The following AR variants were observed in gnomAD, a reference collection of about 807,000 sequenced individuals.
AR encodes androgen receptor, also known as dihydrotestosterone receptor.
Under a neutral mutation model 53.9 loss-of-function variants are expected in AR, and 8 were observed. The ratio of observed to expected loss-of-function variants is 0.15; its 90% CI spans 0.09 to 0.27. AR has a LOEUF of 0.27. AR is among the 10% of genes least tolerant of loss of function. The pLI is 1.00. For missense variants in AR, 639 were observed against 742.5 expected, an observed-to-expected ratio of 0.86 and a Z score of 1.62; for synonymous variants, 359 against 316.4, an observed-to-expected ratio of 1.13 and a Z score of -1.43.
At chrX:67,709,502 G>T (rs1323883644) in intron 3 of AR, among the ~76,000 whole-genome samples, 5 of 112,307 alleles carry the variant, frequency 4.5e-5, no homozygotes, top group African/African-American at 1.6e-4. Flanking sequence ...TGCAGTATTA[G>T]GGTGGGAGTG....
chrX:67,622,908 A>G (rs1230566135), intron 1 of AR, among the ~76,000 whole-genome samples: 1 of 111,449 alleles, frequency 9.0e-6, no homozygotes, highest in Non-Finnish European at 1.9e-5. Flanking sequence ...CAGGCCATGA[A>G]AGCTCCTTGA....
chrX:67,655,912 A>T (rs1037778006), intron 2 of AR, among the ~76,000 whole-genome samples: 72 of 112,272 alleles, frequency 6.4e-4, no homozygotes, highest in African/African-American at 2.3e-3. Flanking sequence ...CAATTATGTC[A>T]CTGTAGAAAT....
At chrX:67,548,513 T>C (rs770381962) in intron 1 of AR, among the ~76,000 whole-genome samples, 3 of 111,264 alleles carry the variant, frequency 2.7e-5, no homozygotes, top group South Asian at 7.6e-4. Context: ...TACTGTAAAC[T>C]TTTCTTGGGG....
intron 1 of AR, among the ~76,000 whole-genome samples, chrX:67,558,606 C>A (rs1921159445): frequency 9.0e-6 from 1 of 111,067 alleles, no homozygotes; most frequent in Non-Finnish European, 1.9e-5. Context: ...AAAGTAGAGG[C>A]AGAGTGATGG....
intron 1 of AR, among the ~76,000 whole-genome samples, chrX:67,611,449 G>A (rs1239127808): frequency 1.8e-5 from 2 of 111,584 alleles, no homozygotes; most frequent in African/African-American, 6.5e-5. Context: ...GGTTTATGGA[G>A]CTCTTTGTAT....
intron 1 of AR, among the ~76,000 whole-genome samples, chrX:67,600,005 G>A (rs1002295433): frequency 1.8e-5 from 2 of 111,294 alleles, no homozygotes; most frequent in African/African-American, 6.5e-5. Flanking sequence ...AGAAAAGCTA[G>A]TTTCAAATGA....
chrX:67,675,810 T>C (rs2075896420), intron 2 of AR, among the ~76,000 whole-genome samples: 1 of 111,861 alleles, frequency 8.9e-6, no homozygotes, highest in Non-Finnish European at 1.9e-5. Context: ...GGATCACTGT[T>C]CAATTTGTGC....
intron 2 of AR, among the ~76,000 whole-genome samples, chrX:67,685,521 C>T (rs1464217688): frequency 9.0e-6 from 1 of 111,439 alleles, no homozygotes; most frequent in African/African-American, 3.3e-5. Flanking sequence ...ATGGAGTTAT[C>T]TTTTGTAGAA....
intron 1 of AR, among the ~76,000 whole-genome samples, chrX:67,569,491 A>G (rs969024595): frequency 2.7e-5 from 3 of 111,574 alleles, no homozygotes; most frequent in Non-Finnish European, 5.6e-5. Flanking sequence ...TGACACACAG[A>G]GATCCAGAAA....
intron 3 of AR, among the ~76,000 whole-genome samples, 174 bp from the exon 4 acceptor site, chrX:67,711,228 G>A (rs1052647116): frequency 1.8e-5 from 2 of 112,239 alleles, no homozygotes; most frequent in African/African-American, 3.2e-5. Flanking sequence ...TATTTGGGAT[G>A]ATGAATTATA....
intron 2 of AR, among the ~76,000 whole-genome samples, chrX:67,650,721 A>G (rs1056918189): frequency 8.9e-6 from 1 of 111,836 alleles, no homozygotes; most frequent in Non-Finnish European, 1.9e-5. Context: ...CTTTCTACCT[A>G]CAAACCTGCA....
chrX:67,686,417 GC>G (rs1275284919), intron 3 of AR, among the ~76,000 whole-genome samples: 1 of 111,655 alleles, frequency 9.0e-6, no homozygotes, highest in Non-Finnish European at 1.9e-5. Flanking sequence ...ACTGGGCAGG[GC>G]CCCCAGGGGA....
intron 4 of AR, among the ~76,000 whole-genome samples, chrX:67,716,735 G>T (rs1295782386): frequency 1.8e-5 from 2 of 111,985 alleles, no homozygotes; most frequent in Middle Eastern, 4.6e-3. Flanking sequence ...TCCATACCCT[G>T]TACACTGTAT....
intron 2 of AR, among the ~76,000 whole-genome samples, chrX:67,658,622 G>A (rs1057065334): frequency 9.0e-6 from 1 of 111,502 alleles, no homozygotes; most frequent in Non-Finnish European, 1.9e-5. Context: ...ACCACGCCCA[G>A]TGAGATCACT....
At position 67,614,907 on chromosome X, in the gene AR, A is replaced by G. The variant is rs775824058; in HGVS notation, c.1617-28349A>G. Among the ~76,000 whole-genome samples the G allele has an allele frequency of 4.5e-5, 5 of 111,270 alleles. No homozygotes were observed. The East Asian group carries it at 1.4e-3, about 31-fold the overall frequency. On this transcript the variant is annotated intron_variant, in intron 1 of 7. Coordinates refer to ENST00000374690, the MANE Select transcript of AR (RefSeq NM_000044.6). ...AAAGAGATAGAAGTTATAAAAAAAG[A>G]AAAAAATGGAAAATCTGGAGTTGAA...
At chrX:67,713,402 G>T (rs1400537987) in intron 4 of AR, among the ~76,000 whole-genome samples, 2 of 111,280 alleles carry the variant, frequency 1.8e-5, no homozygotes, top group Non-Finnish European at 3.8e-5. Flanking sequence ...AAAGGAGAAG[G>T]TTGCTTTAAT....
chrX:67,663,773 A>T (rs1308737117), intron 2 of AR, among the ~76,000 whole-genome samples: 1 of 112,211 alleles, frequency 8.9e-6, no homozygotes, highest in Non-Finnish European at 1.9e-5. Context: ...AATCAGACAT[A>T]GATTTGGTCT....
rs928915139 is a variant in AR, at chrX:67,729,993, A to G, written c.*6152A>G. On this transcript the variant is annotated 3_prime_UTR_variant, in exon 8 of 8. Transcript: ENST00000374690. Reference sequence around the variant, plus strand: ...ATGACCCACGCAAAAAAAAGAAAAAAAAAATTAAAAAGTCCCCTCACAACC... The same window carrying G: ...ATGACCCACGCAAAAAAAAGAAAAAGAAAATTAAAAAGTCCCCTCACAACC... 7 of 172,315 alleles carry G rather than the reference A, an allele frequency of 4.1e-5. No individual in the cohort carries two copies. The highest frequency in any genetic ancestry group is 9.0e-5 in the African/African-American group (3 of 33,400). The allele number at this position is 172,315 out of a possible 1,213,427, so 14.2% of individuals were successfully genotyped here. A position where few individuals can be genotyped will look rare whatever the true frequency, so the allele number is the denominator to read the frequency against.
At position 67,730,350 on chromosome X, in the gene AR, T is replaced by A; in HGVS notation, c.*6509T>A. 5.7e-6 allele frequency: 1 copy of A among 175,137 alleles called. No individual in the cohort carries two copies. The allele number at this position is 175,137 out of a possible 1,213,427, so 14.4% of individuals were successfully genotyped here. A position where few individuals can be genotyped will look rare whatever the true frequency, so the allele number is the denominator to read the frequency against. On this transcript the variant is annotated 3_prime_UTR_variant, in exon 8 of 8. Coordinates refer to ENST00000374690, the MANE Select transcript of AR (RefSeq NM_000044.6). ...CTGTTCTCTTTTTGTAATCTTGGAA[T>A]CTTTTGTTGCTCTAAATACAATTAA...
Sources: allele counts gnomAD v4.1 joint callset (sites outside exome capture counted in the v4.1 genomes callset), GRCh38; gene constraint gnomAD v4.1.1; transcripts MANE v1.5; gene names NCBI Gene and HGNC (gene_info 2026-07-23, HGNC 2026-07-21).